The following NTM variants were observed in gnomAD, a reference collection of about 807,000 sequenced individuals.
The protein encoded by NTM is IgLON family member 2.
Under a neutral mutation model 42.1 loss-of-function variants are expected in NTM, and 13 were observed. The observed-to-expected ratio is 0.31, with a 90% CI of 0.20 to 0.49. The LOEUF (loss-of-function observed/expected upper bound fraction) is 0.49, where lower values mean the gene tolerates loss of function less well. NTM is among the 20% of genes least tolerant of loss of function. The pLI, the probability that NTM is intolerant of heterozygous loss-of-function variation, is 0.99. For missense variants in NTM, 373 were observed against 452.8 expected (o/e 0.82, Z 1.60); for synonymous variants, 187 against 179.2 (o/e 1.04, Z -0.35).
intron 2 of NTM, among the ~76,000 whole-genome samples, chr11:132,062,398 T>C (rs2080824271): frequency 6.6e-6 from 1 of 152,196 alleles, no homozygotes; most frequent in Admixed American, 6.5e-5. Flanking sequence ...ACAGCACTTC[T>C]TTAATGGTCC....
At chr11:131,658,507 C>T (rs1006594770) in intron 1 of NTM, among the ~76,000 whole-genome samples, 3 of 152,174 alleles carry the variant, frequency 2.0e-5, no homozygotes, top group East Asian at 3.9e-4. Context: ...CCCGTTTGTC[C>T]TCGCATTCTC....
At chr11:131,442,913 C>T (rs1949741817) in intron 1 of NTM, among the ~76,000 whole-genome samples, 1 of 151,994 alleles carries the variant, frequency 6.6e-6, no homozygotes. Flanking sequence ...TGTGCCTTTA[C>T]TATTGTGAGT....
At chr11:132,303,132 T>C (rs533614109) in intron 4 of NTM, among the ~76,000 whole-genome samples, 100 of 152,322 alleles carry the variant, frequency 6.6e-4, no homozygotes, top group African/African-American at 2.3e-3. Context: ...TGTGCAACAA[T>C]AGTGCAGAAC....
At chr11:131,486,347 G>A (rs1954172743) in intron 1 of NTM, among the ~76,000 whole-genome samples, 2 of 152,150 alleles carry the variant, frequency 1.3e-5, no homozygotes, top group South Asian at 4.1e-4. Flanking sequence ...ACGGCATGCA[G>A]GACACCACGT....
At chr11:131,543,533 C>G (rs182044549) in intron 1 of NTM, among the ~76,000 whole-genome samples, 5 of 152,320 alleles carry the variant, frequency 3.3e-5, no homozygotes, top group African/African-American at 9.6e-5. Context: ...AAAGTTGCTA[C>G]AACCAGCACC....
At chr11:132,241,931 C>T (rs2139224378) in intron 4 of NTM, among the ~76,000 whole-genome samples, 2 of 152,268 alleles carry the variant, frequency 1.3e-5, no homozygotes, top group South Asian at 4.1e-4. Context: ...GTGATGGTCG[C>T]AGTATGTGTG....
intron 1 of NTM, among the ~76,000 whole-genome samples, chr11:131,421,632 A>G (rs1591620915): frequency 6.6e-6 from 1 of 152,256 alleles, no homozygotes; most frequent in South Asian, 2.1e-4. Flanking sequence ...GTGGGTCAAG[A>G]TTTAGACTCT....
chr11:131,686,953 C>T (rs1211418832), intron 1 of NTM, among the ~76,000 whole-genome samples: 2 of 152,180 alleles, frequency 1.3e-5, no homozygotes, highest in Non-Finnish European at 2.9e-5. Flanking sequence ...TGGAGTGAAG[C>T]GGCGCCCTGG....
chr11:131,749,752 C>T (rs1368826002), intron 1 of NTM, among the ~76,000 whole-genome samples: 1 of 152,142 alleles, frequency 6.6e-6, no homozygotes, highest in African/African-American at 2.4e-5. Flanking sequence ...GTGCCCACCA[C>T]CATGCTCAGA....
In NTM at chr11:131,396,100, A is replaced by G. The variant is rs567670926; in HGVS notation, c.82+25212A>G. Among the ~76,000 whole-genome samples, 679 of 152,296 alleles carry G rather than the reference A, an allele frequency of 4.5e-3. 2 individuals are homozygous for G. The highest frequency in any genetic ancestry group is 0.01 in the Middle Eastern group (3 of 294). The stretch of plus-strand genomic sequence containing the variant: ...CCCAGCACTCAAGGGCAGGCTCCAG[A>G]AAAGCAGGTAAAAAGCAGTCAGGTA... On this transcript the variant is annotated intron_variant, in intron 1 of 8. Coordinates refer to ENST00000683400, the MANE Select transcript of NTM (RefSeq NM_001352005.2).
intron 1 of NTM, among the ~76,000 whole-genome samples, chr11:131,815,509 GC>G (rs1211287312): frequency 6.6e-6 from 1 of 152,206 alleles, no homozygotes; most frequent in East Asian, 1.9e-4. Context: ...GACTGGTAGA[GC>G]TCTTAAAGAA....
rs149945317 is a variant in NTM, at chr11:131,820,117, CAT to C, written c.83-91445_83-91444del. On this transcript the variant is annotated intron_variant, in intron 1 of 8. Coordinates refer to ENST00000683400, the MANE Select transcript of NTM (RefSeq NM_001352005.2). ...TGAAGCCCGCTGAGAGAAATAATAA[CAT>C]AAGCGGCTGCTTGGGCGCAAAGTGG... is the stretch of plus-strand genomic sequence containing the variant. Among the ~76,000 whole-genome samples, 1,417 of 152,272 alleles carry C rather than the reference CAT, an allele frequency of 9.3e-3. 12 individuals are homozygous for C. Among genetic ancestry groups the C allele is most frequent in the Non-Finnish European group, 0.015 (1,037 of 68,018 alleles).
intron 1 of NTM, among the ~76,000 whole-genome samples, chr11:131,592,129 C>A (rs1432777540): frequency 6.6e-6 from 1 of 152,114 alleles, no homozygotes; most frequent in Non-Finnish European, 1.5e-5. Flanking sequence ...ACGCACTCAC[C>A]CCACTTAATC....
chr11:131,479,340 C>T (rs923059972), intron 1 of NTM, among the ~76,000 whole-genome samples: 2 of 152,120 alleles, frequency 1.3e-5, no homozygotes, highest in Admixed American at 1.3e-4. Flanking sequence ...GACAGAACCA[C>T]ATGTATAAAA....
rs5795724 is a variant in NTM, at chr11:131,411,540, CGTGTGTGTGTGT to C, written c.82+40689_82+40700del. ...GCCTCCTGAAGTATTTAGGGGGGGC[CGTGTGTGTGTGT>C]GTGTGTGTGTGTGTGTGTGTGTGTG... On this transcript the variant is annotated intron_variant, in intron 1 of 8. Transcript: ENST00000683400. Among the ~76,000 whole-genome samples, 610 of 129,756 alleles carry C rather than the reference CGTGTGTGTGTGT, an allele frequency of 4.7e-3. 3 individuals carry two copies. The highest frequency in any genetic ancestry group is 0.015 in the African/African-American group (513 of 34,492). The allele number at this position is 129,756 out of a possible 152,430, so 85.1% of individuals were successfully genotyped here. A position where few individuals can be genotyped will look rare whatever the true frequency, so the allele number is the denominator to read the frequency against.
At chr11:131,665,698 T>C (rs1365966918) in intron 1 of NTM, among the ~76,000 whole-genome samples, 1 of 152,188 alleles carries the variant, frequency 6.6e-6, no homozygotes, top group African/African-American at 2.4e-5. Flanking sequence ...TTATGGCAGC[T>C]CTAGCAAACT....
At chr11:131,432,839 C>CATTTTTT (rs1565494793) in intron 1 of NTM, among the ~76,000 whole-genome samples, 34 of 68,688 alleles carry the variant, frequency 4.9e-4, no homozygotes, top group Non-Finnish European at 7.0e-4. Flanking sequence ...ATTTAGCATT[C>CATTTTTT]TTTTTTTTTT....
chr11:131,852,958 T>C (rs1482811202), intron 1 of NTM, among the ~76,000 whole-genome samples: 2 of 136,654 alleles, frequency 1.5e-5, no homozygotes, highest in African/African-American at 5.5e-5. Context: ...ATTCATCCAC[T>C]CATCCATCCA....
chr11:131,753,720 C>T (rs975070734), intron 1 of NTM, among the ~76,000 whole-genome samples: 1 of 149,840 alleles, frequency 6.7e-6, no homozygotes, highest in African/African-American at 2.5e-5. Context: ...GGAAGGGGAA[C>T]ATCACACTCT....
Sources: gnomAD v4.1 joint callset for allele counts (sites outside exome capture counted in the v4.1 genomes callset) on GRCh38, gnomAD v4.1.1 for gene constraint, MANE v1.5 for transcripts, NCBI Gene and HGNC (gene_info 2026-07-23, HGNC 2026-07-21) for gene names.